UBQLN1: variants seen among roughly 807,000 people sequenced by gnomAD.
UBQLN1 encodes ubiquilin-1.
UBQLN1 carries 13 observed loss-of-function variants against 65.4 expected under a neutral mutation model. The observed-to-expected ratio is 0.20, with a 90% CI of 0.13 to 0.32. The LOEUF is 0.32. UBQLN1 is among the 10% of genes least tolerant of loss of function. The probability of loss-of-function intolerance (pLI) is 1.00; values close to 1 mark genes in which losing one functional copy is unlikely to be tolerated. For synonymous variants in UBQLN1, 267 were observed against 247.8 expected (o/e 1.08, Z -0.73); for missense variants, 561 against 724.0 (o/e 0.77, Z 2.58).
At chr9:83,671,961 C>T (rs1203586165) in intron 6 of UBQLN1, among the ~76,000 whole-genome samples, 1 of 152,232 alleles carries the variant, frequency 6.6e-6, no homozygotes, top group Non-Finnish European at 1.5e-5. Flanking sequence ...AGGAGATCTT[C>T]TGGATAACTT....
rs2811930 is a variant in UBQLN1, at chr9:83,668,935, T to C, written c.1248+250A>G. ...TGTACTTGTCTCCTAACTCAACATA[T>C]GTAGAAACAAACTAAACCTGCACTT... On this transcript the variant is annotated intron_variant, in intron 7 of 10. Coordinates refer to ENST00000376395, the MANE Select transcript of UBQLN1 (RefSeq NM_013438.5). The C allele has an allele frequency of 0.66, 261,312 of 398,138 alleles. 88,073 individuals carry two copies. Among genetic ancestry groups the C allele is most frequent in the East Asian group, 0.88 (15,559 of 17,760 alleles). 24.7% of individuals were successfully genotyped at this position (398,138 alleles called of 1,614,324 possible). A position where few individuals can be genotyped will look rare whatever the true frequency, so the allele number is the denominator to read the frequency against.
At chr9:83,680,156 C>A (rs1831917105) in intron 3 of UBQLN1, 119 bp from the exon 4 acceptor site, 2 of 1,113,714 alleles carry the variant, frequency 1.8e-6, no homozygotes, top group East Asian at 5.2e-5. Context: ...TACAAGAAAT[C>A]ATTTAAAAAC....
chr9:83,702,416 CACAG>C (rs969630140), intron 1 of UBQLN1, among the ~76,000 whole-genome samples: 5 of 152,096 alleles, frequency 3.3e-5, no homozygotes, highest in Admixed American at 3.3e-4. Flanking sequence ...ACAATGATCT[CACAG>C]ACATTTTTTT....
chr9:83,668,554 G>A (rs1831679886), intron 7 of UBQLN1: 1 of 985,274 alleles, frequency 1.0e-6, no homozygotes, highest in African/African-American at 1.7e-5. Context: ...CCAACCATCG[G>A]TACTGTCTAT....
At position 83,677,872 on chromosome 9, in the gene UBQLN1, T is replaced by C. The variant is rs1344375302; in HGVS notation, c.960A>G (p.Leu320=). The change falls in exon 6 of 11, where the codon CTA becomes CTG. Residue 320 remains leucine, a synonymous_variant. Transcript: ENST00000376395. The part of the protein sequence containing the change: ...QPSRTENRDP[L]PNPWAPQTSQ... ...AAGTCTGTGGAGCCCATGGATTGGG[T>C]AGTGGATCTCTATTTTCTGTACGGG... The C allele has an allele frequency of 6.2e-7, 1 of 1,614,028 alleles. No homozygotes were observed. The highest frequency in any genetic ancestry group is 2.2e-5 in the East Asian group (1 of 44,880).
intron 8 of UBQLN1, 50 bp from the exon 9 acceptor site, chr9:83,665,195 C>G: frequency 7.1e-7 from 1 of 1,399,116 alleles, no homozygotes; most frequent in South Asian, 1.2e-5. Flanking sequence ...AATCAGTGAA[C>G]GTAAATTTTT....
chr9:83,676,840 A>C (rs1831840929), intron 6 of UBQLN1, among the ~76,000 whole-genome samples: 2 of 152,262 alleles, frequency 1.3e-5, no homozygotes, highest in Non-Finnish European at 2.9e-5. Flanking sequence ...TATTAGGACT[A>C]AAATTGTCAC....
chr9:83,703,076 C>G (rs575039669), intron 1 of UBQLN1, among the ~76,000 whole-genome samples: 81 of 152,074 alleles, frequency 5.3e-4, no homozygotes, highest in South Asian at 3.5e-3. Flanking sequence ...ACATATATAA[C>G]TCTCCATTCT....
chr9:83,672,369 C>A (rs1831748201), intron 6 of UBQLN1, among the ~76,000 whole-genome samples: 1 of 152,180 alleles, frequency 6.6e-6, no homozygotes, highest in Non-Finnish European at 1.5e-5. Flanking sequence ...TGATATGCCT[C>A]CCTCACTAAA....
intron 7 of UBQLN1, 62 bp from the exon 8 acceptor site, chr9:83,666,495 T>G (rs973328479): frequency 1.7e-5 from 26 of 1,533,716 alleles, no homozygotes; most frequent in Non-Finnish European, 2.3e-5. Context: ...ATGTACCTTG[T>G]TTTATTCTAT....
intron 2 of UBQLN1, among the ~76,000 whole-genome samples, 152 bp downstream of exon 2, chr9:83,685,849 CACT>C (rs1832031900): frequency 1.3e-5 from 2 of 152,170 alleles, no homozygotes; most frequent in South Asian, 4.1e-4. Context: ...CATGGAATCA[CACT>C]TTTTAAAAAA....
At chr9:83,683,468 A>G (rs1831984654) in intron 2 of UBQLN1, among the ~76,000 whole-genome samples, 1 of 151,818 alleles carries the variant, frequency 6.6e-6, no homozygotes, top group South Asian at 2.1e-4. Flanking sequence ...CTAGAAATAA[A>G]GGGTAAACTC....
At chr9:83,682,832 T>TG in intron 3 of UBQLN1, 119 bp downstream of exon 3, 1 of 505,164 alleles carries the variant, frequency 2.0e-6, no homozygotes, top group Non-Finnish European at 3.5e-6. Context: ...ATGTTTTTTT[T>TG]TTTTAATTTT....
At chr9:83,663,224 C>T (rs1020386567) in intron 10 of UBQLN1, among the ~76,000 whole-genome samples, 39 of 152,108 alleles carry the variant, frequency 2.6e-4, no homozygotes, top group Non-Finnish European at 5.0e-4. Context: ...GAAAAGAAAA[C>T]AGAAAGCACC....
At chr9:83,686,501 C>T (rs1433631826) in intron 1 of UBQLN1, among the ~76,000 whole-genome samples, 2 of 152,192 alleles carry the variant, frequency 1.3e-5, no homozygotes, top group Non-Finnish European at 2.9e-5. Flanking sequence ...TCATCTCTAA[C>T]ACAAAGGTCC....
At chr9:83,679,114 C>CA (rs1287703967) in intron 4 of UBQLN1, among the ~76,000 whole-genome samples, 1 of 152,188 alleles carries the variant, frequency 6.6e-6, no homozygotes, top group Non-Finnish European at 1.5e-5. Flanking sequence ...GCCATGTAAT[C>CA]AAAGTGAACT....
intron 1 of UBQLN1, among the ~76,000 whole-genome samples, chr9:83,696,504 T>C (rs1832218299): frequency 6.6e-6 from 1 of 151,946 alleles, no homozygotes; most frequent in South Asian, 2.1e-4. Context: ...CTGGGCAAGG[T>C]GGTGCACGCC....
rs1013417617 is a variant in UBQLN1, at chr9:83,660,672, C to G, written c.*1115G>C. The G allele has an allele frequency of 6.9e-5, 10 of 145,354 alleles. No homozygotes were observed. Among genetic ancestry groups the G allele is most frequent in the African/African-American group, 1.0e-4 (4 of 39,724 alleles). 9.0% of individuals were successfully genotyped at this position (145,354 alleles called of 1,614,324 possible). On this transcript the variant is annotated 3_prime_UTR_variant, in exon 11 of 11. Transcript: ENST00000376395. ...GACAGATTCCGCTGCCCCACCCCCC[C>G]ACCCCGTCCCCCTTTCTCTGAGGCT... is the stretch of plus-strand genomic sequence containing the variant.
intron 1 of UBQLN1, among the ~76,000 whole-genome samples, chr9:83,697,922 G>A (rs939917019): frequency 2.0e-5 from 3 of 152,116 alleles, no homozygotes; most frequent in Non-Finnish European, 4.4e-5. Flanking sequence ...CTTTAGTAGA[G>A]ACGGGGTTTC....
Sources: allele counts gnomAD v4.1 joint callset (sites outside exome capture counted in the v4.1 genomes callset), GRCh38; gene constraint gnomAD v4.1.1; transcripts MANE v1.5; gene names NCBI Gene and HGNC (gene_info 2026-07-23, HGNC 2026-07-21).